The following GRK4 variants were observed in gnomAD, a reference collection of about 807,000 sequenced individuals.
GRK4 encodes G protein-coupled receptor kinase 4.
A neutral mutation model predicts 77.9 loss-of-function variants in GRK4; 73 were observed. The ratio of observed to expected loss-of-function variants is 0.94; its 90% CI spans 0.78 to 1.14. The LOEUF (loss-of-function observed/expected upper bound fraction) is 1.14, where lower values mean the gene tolerates loss of function less well. GRK4 is among the 50% of genes most tolerant of loss of function. GRK4 has a pLI of 0.00. For synonymous variants in GRK4, 257 were observed against 254.4 expected, an observed-to-expected ratio of 1.01 and a Z score of -0.10; for missense variants, 729 against 700.2, an observed-to-expected ratio of 1.04 and a Z score of -0.46.
chr4:3,005,248 G>A (rs1331582794), intron 5 of GRK4, among the ~76,000 whole-genome samples: 4 of 151,900 alleles, frequency 2.6e-5, no homozygotes, highest in African/African-American at 9.7e-5. Context: ...ATGTCACAGC[G>A]GAGGAAACGG....
rs1741083364 is a variant in GRK4, at chr4:3,037,516, T to C, written c.1545+5T>C. ...TCCATCCCCTGGCAGAATGAGGTACTGCCCTTCCAGCACAGCCGCTTTACG... is the reference window on the plus strand; with the variant it reads ...TCCATCCCCTGGCAGAATGAGGTACCGCCCTTCCAGCACAGCCGCTTTACG... On this transcript the variant is annotated splice_donor_5th_base_variant and intron_variant, in intron 14 of 15. Coordinates refer to ENST00000398052, the MANE Select transcript of GRK4 (RefSeq NM_182982.3). 1 of 1,599,092 alleles carries C rather than the reference T, an allele frequency of 6.3e-7. No individual in the cohort carries two copies. Among genetic ancestry groups the C allele is most frequent in the Admixed American group, 1.7e-5 (1 of 59,756 alleles).
rs746281775 is a variant in GRK4, at chr4:3,038,390, G to A, written c.1560G>A (p.Gly520=). The stretch of plus-strand genomic sequence containing the variant: ...TGTGCATGCAGATGATCGAATCTGG[G>A]TGTTTCAAAGACATCAACAAAAGTG... ...IPWQNEMIES[G]CFKDINKSES... Residue 520 remains glycine, a synonymous_variant, in exon 15 of 16, where the codon GGG becomes GGA. Coordinates refer to ENST00000398052, the MANE Select transcript of GRK4 (RefSeq NM_182982.3). 16 of 1,614,040 alleles carry A rather than the reference G, an allele frequency of 9.9e-6. No homozygotes were observed. Among genetic ancestry groups the A allele is most frequent in the African/African-American group, 4.0e-5 (3 of 74,912 alleles).
intron 1 of GRK4, among the ~76,000 whole-genome samples, chr4:2,967,978 C>T (rs774944986): frequency 6.6e-6 from 1 of 150,904 alleles, no homozygotes; most frequent in African/African-American, 2.4e-5. Context: ...TTAGTAGAGA[C>T]GGGGGTTTCT....
intron 3 of GRK4, 97 bp downstream of exon 3, chr4:2,988,936 G>C: frequency 1.3e-6 from 1 of 759,080 alleles, no homozygotes; most frequent in Non-Finnish European, 2.3e-6. Context: ...TGTAATCCCA[G>C]CATTTTGGAA....
intron 12 of GRK4, among the ~76,000 whole-genome samples, chr4:3,030,680 C>T (rs1738905219): frequency 6.7e-6 from 1 of 150,348 alleles, no homozygotes. Context: ...GCAGAGCAGA[C>T]AGAGATTGTC....
At chr4:2,964,339 C>T (rs946799849) in intron 1 of GRK4, among the ~76,000 whole-genome samples, 3 of 152,184 alleles carry the variant, frequency 2.0e-5, no homozygotes, top group Non-Finnish European at 4.4e-5. Flanking sequence ...GTCCCCATCT[C>T]CTGGCCCAGA....
chr4:2,972,360 G>A (rs1470466301), intron 1 of GRK4, among the ~76,000 whole-genome samples: 1 of 152,064 alleles, frequency 6.6e-6, no homozygotes, highest in African/African-American at 2.4e-5. Flanking sequence ...ACGTAGTATT[G>A]ACAGCATAGC....
intron 1 of GRK4, among the ~76,000 whole-genome samples, chr4:2,967,414 G>A (rs935834101): frequency 6.6e-6 from 1 of 152,112 alleles, no homozygotes; most frequent in Non-Finnish European, 1.5e-5. Flanking sequence ...GTTTCGTTTT[G>A]TTTTGAGACA....
chr4:2,995,434 C>T (rs368142678), intron 4 of GRK4, among the ~76,000 whole-genome samples: 12 of 149,364 alleles, frequency 8.0e-5, no homozygotes, highest in East Asian at 2.0e-4. Flanking sequence ...TTTGGGAGGC[C>T]GAGGCGGGCA....
chr4:3,021,518 C>T (rs1291272942), intron 9 of GRK4, among the ~76,000 whole-genome samples: 1 of 152,182 alleles, frequency 6.6e-6, no homozygotes, highest in African/African-American at 2.4e-5. Flanking sequence ...GGATAAATAT[C>T]TCTTAAGGAC....
chr4:2,994,466 C>G (rs1936799213), intron 4 of GRK4, among the ~76,000 whole-genome samples: 1 of 152,236 alleles, frequency 6.6e-6, no homozygotes, highest in African/African-American at 2.4e-5. Flanking sequence ...CTGCCTCGGC[C>G]TCCCAAATTG....
At chr4:3,017,903 T>A (rs999110237) in intron 8 of GRK4, among the ~76,000 whole-genome samples, 3 of 152,088 alleles carry the variant, frequency 2.0e-5, no homozygotes, top group Non-Finnish European at 2.9e-5. Flanking sequence ...CTTTTCCCCG[T>A]GAGATCTGGA....
chr4:3,027,833 C>G (rs1232911048), intron 10 of GRK4, 79 bp from the exon 11 acceptor site: 3 of 1,127,262 alleles, frequency 2.7e-6, no homozygotes, highest in South Asian at 1.3e-5. Flanking sequence ...TTTTGAGGGG[C>G]CTTTTTTCCC....
chr4:2,977,453 A>G (rs1463230042), intron 1 of GRK4, among the ~76,000 whole-genome samples: 1 of 152,170 alleles, frequency 6.6e-6, no homozygotes, highest in East Asian at 1.9e-4. Context: ...TTAGGTTAAT[A>G]TTTCCCTCTA....
At chr4:3,031,102 G>A (rs555282200) in intron 12 of GRK4, among the ~76,000 whole-genome samples, 9 of 152,256 alleles carry the variant, frequency 5.9e-5, no homozygotes, top group Non-Finnish European at 1.0e-4. Context: ...AAGATGGGCT[G>A]GAGGGAAGGG....
chr4:2,991,164 C>A (rs532560590), intron 3 of GRK4, among the ~76,000 whole-genome samples: 1 of 152,218 alleles, frequency 6.6e-6, no homozygotes, highest in Non-Finnish European at 1.5e-5. Flanking sequence ...TAGGGCGGAC[C>A]GTCAGAAGGG....
At chr4:3,026,458 G>A (rs891264803) in intron 10 of GRK4, among the ~76,000 whole-genome samples, 23 of 152,298 alleles carry the variant, frequency 1.5e-4, no homozygotes, top group Non-Finnish European at 2.2e-4. Context: ...GGCCAGGCAC[G>A]GTGGCTCACG....
rs147376695 is a variant in GRK4 at position 2,973,719 on chromosome 4, C to T, written c.52+9597C>T. 6.2e-3 allele frequency among the ~76,000 whole-genome samples: 951 copies of T among 152,294 alleles called. 12 individuals are homozygous for T. Among genetic ancestry groups the T allele is most frequent in the Middle Eastern group, 0.017 (5 of 294 alleles). On this transcript the variant is annotated intron_variant, in intron 1 of 15. Coordinates refer to ENST00000398052, the MANE Select transcript of GRK4 (RefSeq NM_182982.3). ...GCCGTCAGCGTCTCACCTGGAACACCGTGGTCAGCTTCTGCCTTTTCCCCC... is the reference window on the plus strand; with the variant it reads ...GCCGTCAGCGTCTCACCTGGAACACTGTGGTCAGCTTCTGCCTTTTCCCCC...
intron 1 of GRK4, among the ~76,000 whole-genome samples, chr4:2,975,892 T>C (rs1480975092): frequency 6.6e-6 from 1 of 152,180 alleles, no homozygotes; most frequent in East Asian, 1.9e-4. Context: ...CAAACCAAAA[T>C]TGAGTCAGTC....
Sources: allele counts gnomAD v4.1 joint callset (sites outside exome capture counted in the v4.1 genomes callset), GRCh38; gene constraint gnomAD v4.1.1; transcripts MANE v1.5; gene names NCBI Gene and HGNC (gene_info 2026-07-23, HGNC 2026-07-21).